The following PACSIN2 variants were observed in gnomAD, a reference collection of about 807,000 sequenced individuals.
PACSIN2 encodes protein kinase C and casein kinase substrate in neurons 2, also known as protein kinase C and casein kinase substrate in neurons protein 2.
A neutral mutation model predicts 63.8 loss-of-function variants in PACSIN2; 25 were observed. The ratio of observed to expected loss-of-function variants is 0.39; its 90% confidence interval spans 0.29 to 0.55. The LOEUF is 0.55. Among genes scored for constraint, PACSIN2 ranks in the 20% least tolerant of loss-of-function variants. PACSIN2 has a pLI of 0.62. For synonymous variants in PACSIN2, 255 were observed against 256.2 expected (o/e 1.00, Z 0.05); for missense variants, 518 against 646.9 (o/e 0.80, Z 2.16).
intron 1 of PACSIN2, among the ~76,000 whole-genome samples, chr22:42,964,373 G>A (rs538942785): frequency 2.0e-5 from 3 of 150,112 alleles, no homozygotes; most frequent in East Asian, 2.0e-4. Flanking sequence ...AGCCAAGATC[G>A]TGCCATTACA....
chr22:42,912,503 C>A (rs1024549278), intron 1 of PACSIN2, among the ~76,000 whole-genome samples: 1 of 152,214 alleles, frequency 6.6e-6, no homozygotes, highest in African/African-American at 2.4e-5. Context: ...TGACACCCTA[C>A]TCCCCTCTCC....
chr22:42,962,161 C>G (rs1279705730), intron 1 of PACSIN2, among the ~76,000 whole-genome samples: 2 of 149,888 alleles, frequency 1.3e-5, no homozygotes, highest in Non-Finnish European at 2.9e-5. Flanking sequence ...TGTTCCCTCC[C>G]CCAAGCCAGG....
rs143900335 is a variant in PACSIN2 at position 42,977,351 on chromosome 22, C to T, written c.-78+37670G>A. On this transcript the variant is annotated intron_variant, in intron 1 of 10. Transcript: ENST00000263246. ...TAAAAATTCAAAACAATCCAGTAGA[C>T]GGAAAAACGGAGAAAGGATATAGGT... Among the ~76,000 whole-genome samples the T allele has an allele frequency of 5.1e-3, 766 of 151,262 alleles. 5 individuals are homozygous for T. The highest frequency in any genetic ancestry group is 0.017 in the African/African-American group (686 of 41,116).
chr22:42,971,996 C>G (rs1411390698), intron 1 of PACSIN2, among the ~76,000 whole-genome samples: 1 of 152,086 alleles, frequency 6.6e-6, no homozygotes, highest in African/African-American at 2.4e-5. Flanking sequence ...GCCGCCACCC[C>G]GTCTGGGAGG....
intron 1 of PACSIN2, among the ~76,000 whole-genome samples, chr22:42,915,599 A>C (rs1035586963): frequency 6.6e-6 from 1 of 152,228 alleles, no homozygotes; most frequent in Non-Finnish European, 1.5e-5. Flanking sequence ...GTTCATCTTA[A>C]TGCTCAGCCA....
chr22:42,963,709 G>C lies in PACSIN2; in HGVS notation c.-78+51312C>G, dbSNP rs568897329. ...TCACCCAGCTAATAAGGGCAGAATG[G>C]GATTCAGTCAGGTCCACTTGATACA... On this transcript the variant is annotated intron_variant, in intron 1 of 10. Transcript: ENST00000263246. Among the ~76,000 whole-genome samples, 3 of 152,216 alleles carry C rather than the reference G, an allele frequency of 2.0e-5. No homozygotes were observed. The South Asian group carries it at 6.2e-4, about 32-fold the overall frequency.
rs776470813 is a variant in PACSIN2 at position 42,935,271 on chromosome 22, G to A, written c.-77-23114C>T. Among the ~76,000 whole-genome samples, 5 of 152,014 alleles carry A rather than the reference G, an allele frequency of 3.3e-5. No homozygotes were observed. The South Asian group carries it at 6.2e-4, about 19-fold the overall frequency. ...AACCTCAGAGTCCAGCAGTGTCTGCGCCATATTCCTGATTATCGAGGACCT... is the reference window on the plus strand; with the variant it reads ...AACCTCAGAGTCCAGCAGTGTCTGCACCATATTCCTGATTATCGAGGACCT... On this transcript the variant is annotated intron_variant, in intron 1 of 10. Coordinates refer to ENST00000263246, the MANE Select transcript of PACSIN2 (RefSeq NM_001184970.3).
At chr22:42,916,766 C>G (rs1449928248) in intron 1 of PACSIN2, among the ~76,000 whole-genome samples, 1 of 152,160 alleles carries the variant, frequency 6.6e-6, no homozygotes, top group Non-Finnish European at 1.5e-5. Context: ...GCCTCTCAAC[C>G]CAATAAGGTG....
chr22:42,909,234 T>C (rs1601502461), intron 2 of PACSIN2, among the ~76,000 whole-genome samples: 2 of 152,130 alleles, frequency 1.3e-5, no homozygotes, highest in South Asian at 2.1e-4. Context: ...TCTACCTTAT[T>C]CCTCCAAATG....
At chr22:42,932,057 T>A (rs553419073) in intron 1 of PACSIN2, among the ~76,000 whole-genome samples, 4 of 152,262 alleles carry the variant, frequency 2.6e-5, no homozygotes, top group African/African-American at 9.6e-5. Flanking sequence ...ACTTCAACCC[T>A]AACTCCTCCG....
intron 1 of PACSIN2, among the ~76,000 whole-genome samples, chr22:42,935,267 C>T (rs564106875): frequency 6.6e-6 from 1 of 152,226 alleles, no homozygotes; most frequent in Non-Finnish European, 1.5e-5. Context: ...CCAGCAGTGT[C>T]TGCGCCATAT....
intron 1 of PACSIN2, among the ~76,000 whole-genome samples, chr22:42,990,782 G>A (rs1922988411): frequency 2.0e-5 from 3 of 152,018 alleles, no homozygotes; most frequent in East Asian, 1.9e-4. Context: ...ACCCCTCCCC[G>A]TTGCCAATAA....
At chr22:42,904,847 T>C (rs1930958518) in intron 2 of PACSIN2, among the ~76,000 whole-genome samples, 1 of 152,172 alleles carries the variant, frequency 6.6e-6, no homozygotes, top group Non-Finnish European at 1.5e-5. Context: ...TCTCCCCATC[T>C]CTGTGCCTGG....
intron 5 of PACSIN2, among the ~76,000 whole-genome samples, chr22:42,887,070 T>G (rs775667855): frequency 8.5e-5 from 13 of 152,288 alleles, no homozygotes; most frequent in Admixed American, 1.3e-4. Flanking sequence ...GGCCCGAGAG[T>G]TCTCCCGGAC....
chr22:42,996,171 G>T (rs1360056741), intron 1 of PACSIN2, among the ~76,000 whole-genome samples: 3 of 151,768 alleles, frequency 2.0e-5, no homozygotes, highest in Non-Finnish European at 2.9e-5. Flanking sequence ...AATGAGCCGA[G>T]ATTGCACCAC....
At chr22:42,906,575 AG>A (rs1931090359) in intron 2 of PACSIN2, among the ~76,000 whole-genome samples, 1 of 151,546 alleles carries the variant, frequency 6.6e-6, no homozygotes, top group Admixed American at 6.6e-5. Context: ...ACTATAGCTC[AG>A]GGGGAGGGTC....
At chr22:42,894,079 T>C (rs914487431) in intron 2 of PACSIN2, among the ~76,000 whole-genome samples, 2 of 152,176 alleles carry the variant, frequency 1.3e-5, no homozygotes, top group African/African-American at 4.8e-5. Flanking sequence ...CCTGAGCACC[T>C]ACCATGTGCC....
intron 1 of PACSIN2, among the ~76,000 whole-genome samples, chr22:42,993,458 C>T (rs1923187446): frequency 6.6e-6 from 1 of 152,196 alleles, no homozygotes; most frequent in South Asian, 2.1e-4. Context: ...GGCAGAATAA[C>T]ATAAGACTGC....
chr22:42,980,433 CAGAG>C (rs1428783963), intron 1 of PACSIN2, among the ~76,000 whole-genome samples: 3 of 151,614 alleles, frequency 2.0e-5, no homozygotes, highest in Admixed American at 6.6e-5. Context: ...GCCTGGGCGA[CAGAG>C]AGAGACCCTC....
Sources: gnomAD v4.1 joint callset for allele counts (sites outside exome capture counted in the v4.1 genomes callset) on GRCh38, gnomAD v4.1.1 for gene constraint, MANE v1.5 for transcripts, NCBI Gene and HGNC (gene_info 2026-07-23, HGNC 2026-07-21) for gene names.